Variants in MDGA2 observed in about 807,000 individuals in gnomAD.
MDGA2 encodes MAM domain containing glycosylphosphatidylinositol anchor 2, also known as MAM domain-containing glycosylphosphatidylinositol anchor protein 2.
A neutral mutation model predicts 117.8 loss-of-function variants in MDGA2; 40 were observed. That is an observed-to-expected ratio of 0.34 (90% confidence interval 0.26 to 0.44). The LOEUF (loss-of-function observed/expected upper bound fraction) is 0.44, where lower values mean the gene tolerates loss of function less well. MDGA2 is among the 20% of genes least tolerant of loss of function. The probability of loss-of-function intolerance (pLI) is 1.00; values close to 1 mark genes in which losing one functional copy is unlikely to be tolerated. For synonymous variants in MDGA2, 452 were observed against 439.0 expected (o/e 1.03, Z -0.37); for missense variants, 1,123 against 1,250.6 (o/e 0.90, Z 1.54).
chr14:46,882,322 C>A, intron 10 of MDGA2, 101 bp from the exon 11 acceptor site: 2 of 993,558 alleles, frequency 2.0e-6, no homozygotes, highest in Non-Finnish European at 2.9e-6. Context: ...TCAAAAAGTA[C>A]GTATATTAAT....
Position 46,884,394 on chromosome 14 carries a change from C to A in MDGA2, c.2239-2173G>T, listed in dbSNP as rs1052189114. On this transcript the variant is annotated intron_variant, in intron 10 of 16. Coordinates refer to ENST00000399232, the MANE Select transcript of MDGA2 (RefSeq NM_001113498.3). This position sits in a 1 kb window ranked among gnomAD's most constrained non-coding sequence, Gnocchi z 4.1. ...CTTTCTCTATGTACACACACATACA[C>A]ATGTACACATTATATGCACAGGTAC... Among the ~76,000 whole-genome samples, 1 of 152,140 alleles carries A rather than the reference C, an allele frequency of 6.6e-6. No individual in the cohort carries two copies. Among genetic ancestry groups the A allele is most frequent in the African/African-American group, 2.4e-5 (1 of 41,446 alleles).
At chr14:47,481,374 T>G (rs1893951489) in intron 1 of MDGA2, among the ~76,000 whole-genome samples, 1 of 151,992 alleles carries the variant, frequency 6.6e-6, no homozygotes, top group Admixed American at 6.6e-5. Flanking sequence ...AATTTGCAAA[T>G]GATATGGTCT....
At position 46,882,061 on chromosome 14, in the gene MDGA2, C is replaced by G; in HGVS notation, c.2399G>C (p.Arg800Pro). ...TKFGEGDSTI[R>P]VIKYSAPVNP... is the part of the protein sequence containing the mutation. ...CTACTTACCACTATATTTGATCACA[C>G]GAATTGTTGAATCTCCTTCACCAAA... Residue 800 changes from arginine (R) to proline (P), a missense_variant, in exon 11 of 17, where the codon CGT (arginine) becomes CCT (proline). Physicochemically the swap from Arg to Pro is moderately radical, Grantham distance 103. This residue lies in a region of MDGA2 where 890 missense variants were observed against 1,050.3 expected (regional missense o/e 0.85). Transcript: ENST00000399232. The G allele has an allele frequency of 6.2e-7, 1 of 1,606,000 alleles. No individual in the cohort carries two copies. The highest frequency in any genetic ancestry group is 8.5e-7 in the Non-Finnish European group (1 of 1,175,282).
chr14:46,842,996 C>T (rs1041739105), intron 16 of MDGA2, among the ~76,000 whole-genome samples: 12 of 152,144 alleles, frequency 7.9e-5, no homozygotes, highest in Non-Finnish European at 1.0e-4. Flanking sequence ...AGAAAACTTT[C>T]TGATGCCAAA....
rs116513689 is a variant in MDGA2, at chr14:46,848,145, G to A, written c.2884-2274C>T. ...GGGTTAAAATGCTCTGCACCTGCTCGCACTTGAAATTTACACAGATAAAGC... is the reference window on the plus strand; with the variant it reads ...GGGTTAAAATGCTCTGCACCTGCTCACACTTGAAATTTACACAGATAAAGC... On this transcript the variant is annotated intron_variant, in intron 15 of 16. Coordinates refer to ENST00000399232, the MANE Select transcript of MDGA2 (RefSeq NM_001113498.3). Among the ~76,000 whole-genome samples the A allele has an allele frequency of 4.6e-3, 695 of 151,958 alleles. 7 individuals carry two copies. Among genetic ancestry groups the A allele is most frequent in the African/African-American group, 0.015 (634 of 41,494 alleles).
chr14:47,440,983 C>T (rs1477176989), intron 1 of MDGA2, among the ~76,000 whole-genome samples: 4 of 152,068 alleles, frequency 2.6e-5, no homozygotes, highest in African/African-American at 9.7e-5. Context: ...ACAAACATTC[C>T]ATACCTTCAG....
At chr14:47,035,377 T>C (rs1445383275) in intron 7 of MDGA2, 73 bp from the exon 8 acceptor site, 2 of 1,240,870 alleles carry the variant, frequency 1.6e-6, no homozygotes, top group Admixed American at 2.3e-5. Flanking sequence ...CAGAAAATCA[T>C]AAGGAAACAA....
intron 2 of MDGA2, among the ~76,000 whole-genome samples, chr14:47,223,086 G>A (rs1370268649): frequency 4.6e-5 from 7 of 152,050 alleles, no homozygotes; most frequent in Non-Finnish European, 7.4e-5. Flanking sequence ...AAGCAAAAGC[G>A]GAAACACCTG....
At chr14:47,191,930 T>C (rs1251110020) in intron 3 of MDGA2, among the ~76,000 whole-genome samples, 2 of 152,078 alleles carry the variant, frequency 1.3e-5, no homozygotes, top group Non-Finnish European at 2.9e-5. Context: ...CTACAGCTCA[T>C]GTAAATGAGA....
At chr14:47,544,558 G>T (rs1594909644) in intron 1 of MDGA2, among the ~76,000 whole-genome samples, 2 of 152,058 alleles carry the variant, frequency 1.3e-5, no homozygotes, top group African/African-American at 4.8e-5. Flanking sequence ...TTGTTTTTTT[G>T]TGTGTGTTTG....
intron 1 of MDGA2, among the ~76,000 whole-genome samples, chr14:47,648,764 T>C (rs908693366): frequency 3.9e-5 from 6 of 152,146 alleles, no homozygotes; most frequent in African/African-American, 1.2e-4. Flanking sequence ...TTTGACCTAA[T>C]TGAAGTGTTC....
At chr14:46,914,830 G>A (rs1036555792) in intron 10 of MDGA2, among the ~76,000 whole-genome samples, 5 of 151,980 alleles carry the variant, frequency 3.3e-5, no homozygotes, top group African/African-American at 9.7e-5. Flanking sequence ...GATAACCTAG[G>A]TATTTTATGG....
At chr14:46,980,877 A>G (rs1238356344) in intron 8 of MDGA2, among the ~76,000 whole-genome samples, 1 of 152,230 alleles carries the variant, frequency 6.6e-6, no homozygotes, top group African/African-American at 2.4e-5. Flanking sequence ...TATAAATTTA[A>G]TATTCACTAG....
intron 1 of MDGA2, among the ~76,000 whole-genome samples, chr14:47,302,682 A>G (rs1303137742): frequency 1.3e-5 from 2 of 152,186 alleles, no homozygotes; most frequent in Non-Finnish European, 2.9e-5. Context: ...GAAGAAAAAA[A>G]GATTATAAGG....
chr14:47,381,466 C>T (rs944340800), intron 1 of MDGA2, among the ~76,000 whole-genome samples: 15 of 152,142 alleles, frequency 9.9e-5, no homozygotes, highest in African/African-American at 1.9e-4. Context: ...AAAACCCCAT[C>T]GTCTCAGCCC....
intron 2 of MDGA2, among the ~76,000 whole-genome samples, chr14:47,271,908 G>A (rs1423892375): frequency 6.6e-6 from 1 of 152,032 alleles, no homozygotes; most frequent in African/African-American, 2.4e-5. Context: ...GTCACAGTAT[G>A]CTGAAAATCA....
intron 1 of MDGA2, among the ~76,000 whole-genome samples, chr14:47,460,098 G>A (rs537029483): frequency 6.6e-6 from 1 of 152,146 alleles, no homozygotes; most frequent in East Asian, 1.9e-4. Context: ...ACGATGAAAG[G>A]TGATATCATT....
intron 1 of MDGA2, among the ~76,000 whole-genome samples, chr14:47,552,199 C>G (rs1895594932): frequency 6.6e-6 from 1 of 152,140 alleles, no homozygotes; most frequent in Non-Finnish European, 1.5e-5. Context: ...TGTATAAGCA[C>G]TCACTCTGCC....
At chr14:47,036,043 GA>G (rs1344181880) in intron 7 of MDGA2, among the ~76,000 whole-genome samples, 45 of 152,090 alleles carry the variant, frequency 3.0e-4, no homozygotes, top group African/African-American at 1.0e-3. Flanking sequence ...AATGAGGCAG[GA>G]GGATCACGAG....
Sources: gnomAD v4.1 joint callset for allele counts (sites outside exome capture counted in the v4.1 genomes callset) on GRCh38, gnomAD v4.1.1 for gene constraint, gnomAD v4.1.1 regional missense constraint, Gnocchi (gnomAD v3.1) non-coding constraint, MANE v1.5 for transcripts, NCBI Gene and HGNC (gene_info 2026-07-23, HGNC 2026-07-21) for gene names.